GALNTL6: variants seen among roughly 807,000 people sequenced by gnomAD.
The protein encoded by GALNTL6 is polypeptide N-acetylgalactosaminyltransferase like 6.
A neutral mutation model predicts 73.7 loss-of-function variants in GALNTL6; 46 were observed. That is an observed-to-expected ratio of 0.62 (90% CI 0.49 to 0.80). GALNTL6 has a LOEUF of 0.80. Ranked by LOEUF, GALNTL6 falls within the 30% of genes least tolerant of loss-of-function variation. GALNTL6 has a pLI of 0.00. For synonymous variants in GALNTL6, 259 were observed against 263.7 expected (o/e 0.98, Z 0.17); for missense variants, 604 against 755.0 (o/e 0.80, Z 2.34).
chr4:172,495,044 G>T (rs185414546), intron 5 of GALNTL6, among the ~76,000 whole-genome samples: 2 of 152,270 alleles, frequency 1.3e-5, no homozygotes, highest in Admixed American at 1.3e-4. Context: ...GACAGCAAGG[G>T]AGTGACTGTA....
chr4:171,993,490 C>T (rs1740398113), intron 2 of GALNTL6, among the ~76,000 whole-genome samples: 3 of 152,220 alleles, frequency 2.0e-5, no homozygotes, highest in Admixed American at 6.5e-5. Flanking sequence ...GAAGTTTACC[C>T]TATTGTCAAT....
At chr4:172,196,129 C>T (rs184952432) in intron 2 of GALNTL6, among the ~76,000 whole-genome samples, 1 of 151,300 alleles carries the variant, frequency 6.6e-6, no homozygotes, top group Admixed American at 6.6e-5. Flanking sequence ...CCACTGACCC[C>T]ACAGAAATAC....
intron 9 of GALNTL6, among the ~76,000 whole-genome samples, chr4:172,936,371 A>T (rs1748619139): frequency 6.6e-6 from 1 of 152,182 alleles, no homozygotes; most frequent in African/African-American, 2.4e-5. Flanking sequence ...AACCAGCACA[A>T]GACAAGGATA....
chr4:172,544,768 A>G (rs950199935), intron 5 of GALNTL6, among the ~76,000 whole-genome samples: 23 of 152,350 alleles, frequency 1.5e-4, no homozygotes, highest in Middle Eastern at 3.4e-3. Flanking sequence ...TACCATATGT[A>G]CAGTATGAAG....
intron 10 of GALNTL6, among the ~76,000 whole-genome samples, chr4:173,006,270 T>C (rs937885672): frequency 3.9e-5 from 6 of 152,228 alleles, no homozygotes; most frequent in African/African-American, 1.4e-4. Context: ...TTGTCTTCAG[T>C]ATAAACTGAT....
chr4:172,994,608 T>C (rs1262064093), intron 10 of GALNTL6, among the ~76,000 whole-genome samples: 2 of 152,214 alleles, frequency 1.3e-5, no homozygotes, highest in Non-Finnish European at 2.9e-5. Flanking sequence ...CCAAGTCATC[T>C]CTTTTAATAT....
chr4:172,887,431 T>C (rs1261020859), intron 8 of GALNTL6, among the ~76,000 whole-genome samples: 1 of 151,990 alleles, frequency 6.6e-6, no homozygotes, highest in Non-Finnish European at 1.5e-5. Context: ...CTTTGAGGAG[T>C]CTCCAAACTG....
chr4:172,264,943 T>A (rs749572559), intron 3 of GALNTL6, among the ~76,000 whole-genome samples: 10 of 151,698 alleles, frequency 6.6e-5, no homozygotes, highest in Non-Finnish European at 1.3e-4. Flanking sequence ...AGGCTACAAC[T>A]CTGATTATCA....
intron 9 of GALNTL6, among the ~76,000 whole-genome samples, chr4:172,934,014 A>G (rs1438673073): frequency 1.3e-5 from 2 of 152,260 alleles, no homozygotes; most frequent in Non-Finnish European, 2.9e-5. Context: ...TGTATACTAT[A>G]GAAATACATT....
At chr4:172,030,725 T>G (rs1033369772) in intron 2 of GALNTL6, among the ~76,000 whole-genome samples, 5 of 151,630 alleles carry the variant, frequency 3.3e-5, no homozygotes, top group Admixed American at 2.6e-4. Flanking sequence ...GAATAAAATA[T>G]GGGGGACATA....
At chr4:172,349,853 T>TA (rs1391497139) in intron 5 of GALNTL6, among the ~76,000 whole-genome samples, 1 of 150,212 alleles carries the variant, frequency 6.7e-6, no homozygotes, top group Non-Finnish European at 1.5e-5. Flanking sequence ...ATATTTTTTT[T>TA]AAACTATCAA....
chr4:172,561,364 C>G (rs1736360059), intron 5 of GALNTL6, among the ~76,000 whole-genome samples: 1 of 151,720 alleles, frequency 6.6e-6, no homozygotes, highest in South Asian at 2.1e-4. Context: ...AGTCTGCGCT[C>G]CTAATCCTTA....
chr4:172,962,908 C>G (rs1019624340), intron 10 of GALNTL6, among the ~76,000 whole-genome samples: 2 of 152,120 alleles, frequency 1.3e-5, no homozygotes, highest in African/African-American at 2.4e-5. Flanking sequence ...CTGCTTCTGC[C>G]TGCCGCGCTT....
intron 2 of GALNTL6, among the ~76,000 whole-genome samples, chr4:171,958,240 C>G (rs185219188): frequency 6.6e-6 from 1 of 152,056 alleles, no homozygotes; most frequent in Non-Finnish European, 1.5e-5. Flanking sequence ...TGTGTGATAT[C>G]CACAGATATT....
At chr4:173,013,914 T>C (rs192100994) in intron 11 of GALNTL6, among the ~76,000 whole-genome samples, 60 of 152,326 alleles carry the variant, frequency 3.9e-4, no homozygotes, top group African/African-American at 1.4e-3. Flanking sequence ...AGCACTCTTC[T>C]ACATTTAGAT....
At chr4:172,744,502 A>G (rs533988981) in intron 5 of GALNTL6, among the ~76,000 whole-genome samples, 60 of 152,048 alleles carry the variant, frequency 3.9e-4, no homozygotes, top group African/African-American at 1.3e-3. Flanking sequence ...AGAGACTGCA[A>G]CTCTCTATTG....
At chr4:172,424,910 TGCAAG>T (rs5864135) in intron 5 of GALNTL6, among the ~76,000 whole-genome samples, 131,436 of 151,634 alleles carry the variant, frequency 0.87, 57,020 homozygotes, top group South Asian at 0.89. Flanking sequence ...TAGAAAACTA[TGCAAG>T]TTTGTCATCT....
In GALNTL6 at chr4:172,348,452, G is replaced by T. The variant is rs543472551; in HGVS notation, c.387-71G>T. ...TTCCACAGTTGTCTGATAACATAAT[G>T]AATAAACAACAGAATAAGATATACA... On this transcript the variant is annotated intron_variant, in intron 4 of 12. Coordinates refer to ENST00000506823, the MANE Select transcript of GALNTL6 (RefSeq NM_001034845.3). 131 of 1,244,146 alleles carry T rather than the reference G, an allele frequency of 1.1e-4. No individual in the cohort carries two copies. In the African/African-American group the frequency reaches 1.7e-3, roughly 16 times the overall value. The allele number at this position is 1,244,146 out of a possible 1,614,324, so 77.1% of individuals were successfully genotyped here.
intron 2 of GALNTL6, among the ~76,000 whole-genome samples, chr4:172,063,345 C>T (rs1376810849): frequency 6.6e-6 from 1 of 152,100 alleles, no homozygotes; most frequent in Non-Finnish European, 1.5e-5. Flanking sequence ...CATAATTAGC[C>T]AAAGCATGGC....
Sources: gnomAD v4.1 joint callset for allele counts (sites outside exome capture counted in the v4.1 genomes callset) on GRCh38, gnomAD v4.1.1 for gene constraint, MANE v1.5 for transcripts, NCBI Gene and HGNC (gene_info 2026-07-23, HGNC 2026-07-21) for gene names.